SYTL5: variants seen among roughly 807,000 people sequenced by gnomAD.
The protein encoded by SYTL5 is synaptotagmin-like protein 5.
A neutral mutation model predicts 55.9 loss-of-function variants in SYTL5; 34 were observed. The ratio of observed to expected loss-of-function variants is 0.61; its 90% CI spans 0.46 to 0.81. The LOEUF (loss-of-function observed/expected upper bound fraction) is 0.81, where lower values mean the gene tolerates loss of function less well. SYTL5 is among the 30% of genes least tolerant of loss of function. SYTL5 has a pLI of 0.00. For synonymous variants in SYTL5, 221 were observed against 188.7 expected, an observed-to-expected ratio of 1.17 and a Z score of -1.40; for missense variants, 637 against 546.7, an observed-to-expected ratio of 1.17 and a Z score of -1.65.
chrX:38,042,021 G>T (rs1350903646), intron 2 of SYTL5, among the ~76,000 whole-genome samples: 1 of 109,711 alleles, frequency 9.1e-6, no homozygotes, highest in Non-Finnish European at 1.9e-5. Context: ...TTTTCTTGGG[G>T]GTTTGAAATA....
the SYTL5 span, among the ~76,000 whole-genome samples, chrX:37,995,967 G>A: frequency 9.2e-6 from 1 of 108,110 alleles, no homozygotes; most frequent in African/African-American, 3.4e-5. Flanking sequence ...TGTGTAGTCA[G>A]GTGGTCACCT....
intron 9 of SYTL5, among the ~76,000 whole-genome samples, chrX:38,096,866 A>G (rs192077563): frequency 3.6e-5 from 4 of 111,554 alleles, no homozygotes; most frequent in Admixed American, 2.9e-4. Context: ...AATATTTTCT[A>G]TAGTACAAAA....
intron 3 of SYTL5, among the ~76,000 whole-genome samples, chrX:38,068,415 A>G (rs2147379341): frequency 8.9e-6 from 1 of 112,253 alleles, no homozygotes; most frequent in East Asian, 2.8e-4. Context: ...CAACCCAGCA[A>G]TCCCATTACT....
chrX:37,914,195 A>C, the SYTL5 span, among the ~76,000 whole-genome samples: 2 of 111,452 alleles, frequency 1.8e-5, no homozygotes, highest in South Asian at 3.8e-4. Context: ...AACATTTTGC[A>C]TACCCTATGA....
chrX:38,014,339 C>T (rs1602302694), intron 1 of SYTL5, among the ~76,000 whole-genome samples: 1 of 112,477 alleles, frequency 8.9e-6, no homozygotes, highest in Non-Finnish European at 1.9e-5. Context: ...CAGAATCCAG[C>T]TTCACCACTT....
At chrX:37,969,226 T>C in the SYTL5 span, among the ~76,000 whole-genome samples, 2 of 112,117 alleles carry the variant, frequency 1.8e-5, no homozygotes, top group African/African-American at 6.5e-5. Flanking sequence ...AACTTTTTAG[T>C]AACCTAAATT....
At chrX:37,979,747 A>C in the SYTL5 span, among the ~76,000 whole-genome samples, 2 of 107,757 alleles carry the variant, frequency 1.9e-5, no homozygotes, top group African/African-American at 6.8e-5. Flanking sequence ...CTGAATTGTG[A>C]GAGTACTTTT....
intron 6 of SYTL5, among the ~76,000 whole-genome samples, chrX:38,089,131 G>A (rs1385764618): frequency 1.8e-5 from 2 of 112,238 alleles, no homozygotes; most frequent in East Asian, 5.6e-4. Context: ...GGAGGTGGAA[G>A]TCAAGATGGT....
intron 1 of SYTL5, chrX:38,023,965 T>C (rs1279289493): frequency 9.1e-6 from 1 of 110,188 alleles, no homozygotes; most frequent in Non-Finnish European, 1.9e-5. Flanking sequence ...CTGCAATTAC[T>C]TTTGCACCAA....
chrX:37,961,822 G>C, the SYTL5 span, among the ~76,000 whole-genome samples: 1 of 111,543 alleles, frequency 9.0e-6, no homozygotes, highest in African/African-American at 3.3e-5. Flanking sequence ...AAAGCAATTT[G>C]TCTTGATCTC....
chrX:38,058,425 ATC>A (rs2147326613), intron 3 of SYTL5, among the ~76,000 whole-genome samples: 1 of 111,035 alleles, frequency 9.0e-6, no homozygotes, highest in East Asian at 2.8e-4. Context: ...TCTTTGCTAT[ATC>A]TCTATGCTTC....
chrX:38,055,028 A>G (rs1290700766), intron 3 of SYTL5, among the ~76,000 whole-genome samples: 1 of 111,398 alleles, frequency 9.0e-6, no homozygotes, highest in East Asian at 2.8e-4. Flanking sequence ...CTCTTTCTGT[A>G]TTTCAAAACT....
the SYTL5 span, among the ~76,000 whole-genome samples, chrX:37,940,589 G>C: frequency 1.3e-4 from 10 of 79,059 alleles, no homozygotes; most frequent in South Asian, 3.9e-3. Context: ...TTTTCAGTTA[G>C]GGATAGGTGT....
chrX:38,109,955 T>C (rs1937317345), intron 12 of SYTL5, among the ~76,000 whole-genome samples: 2 of 111,149 alleles, frequency 1.8e-5, no homozygotes, highest in Admixed American at 1.9e-4. Context: ...GTGGAGAATG[T>C]ATATATTAAA....
At chrX:37,919,314 T>C in the SYTL5 span, among the ~76,000 whole-genome samples, 1 of 111,712 alleles carries the variant, frequency 9.0e-6, no homozygotes, top group Non-Finnish European at 1.9e-5. Flanking sequence ...AACACTTTAT[T>C]CTAATTACGT....
At chrX:38,039,803 C>A (rs1935224424) in intron 2 of SYTL5, among the ~76,000 whole-genome samples, 1 of 111,831 alleles carries the variant, frequency 8.9e-6, no homozygotes, top group Non-Finnish European at 1.9e-5. Flanking sequence ...TCTTTCTATC[C>A]AAATCAAAGT....
intron 3 of SYTL5, among the ~76,000 whole-genome samples, chrX:38,070,068 T>G (rs1384609639): frequency 3.6e-5 from 4 of 111,863 alleles, no homozygotes; most frequent in Non-Finnish European, 7.5e-5. Flanking sequence ...TGGTCTTACC[T>G]TTCAATGAAT....
intron 13 of SYTL5, among the ~76,000 whole-genome samples, chrX:38,111,572 G>C (rs963652917): frequency 7.1e-5 from 8 of 112,030 alleles, no homozygotes; most frequent in Admixed American, 1.9e-4. Context: ...GGAATTTCTT[G>C]GTCTCTCTTC....
chrX:38,045,915 G>C, intron 2 of SYTL5, among the ~76,000 whole-genome samples: 1 of 112,245 alleles, frequency 8.9e-6, no homozygotes. Context: ...GTTGAAAGAA[G>C]CTGGGCGGGC....
Sources: allele counts gnomAD v4.1 joint callset (sites outside exome capture counted in the v4.1 genomes callset), GRCh38; gene constraint gnomAD v4.1.1; transcripts MANE v1.5; gene names NCBI Gene and HGNC (gene_info 2026-07-23, HGNC 2026-07-21).